Variants in PXDN observed in about 807,000 individuals in gnomAD.
PXDN encodes peroxidasin homolog.
In PXDN, 77 loss-of-function variants were observed where a neutral mutation model predicts 140.3. The ratio of observed to expected loss-of-function variants is 0.55; its 90% CI spans 0.46 to 0.66. The LOEUF (loss-of-function observed/expected upper bound fraction) is 0.66, where lower values mean the gene tolerates loss of function less well. Among genes scored for constraint, PXDN ranks in the 30% least tolerant of loss-of-function variants. The probability of loss-of-function intolerance (pLI) is 0.00; values close to 1 mark genes in which losing one functional copy is unlikely to be tolerated. For synonymous variants in PXDN, 911 were observed against 857.4 expected (o/e 1.06, Z -1.09); for missense variants, 1,838 against 2,039.5 (o/e 0.90, Z 1.90).
chr2:1,704,665 G>T (rs905678633), intron 1 of PXDN, among the ~76,000 whole-genome samples: 2 of 131,194 alleles, frequency 1.5e-5, no homozygotes, highest in Non-Finnish European at 3.2e-5. Flanking sequence ...CCAGGTGAAG[G>T]GGGGGCAACT....
chr2:1,720,693 C>T (rs959439761), intron 1 of PXDN, among the ~76,000 whole-genome samples: 29 of 134,722 alleles, frequency 2.2e-4, no homozygotes, highest in African/African-American at 7.4e-4. Context: ...CTTTCTCTCT[C>T]TCTCTGCATC....
chr2:1,654,467 A>G lies in PXDN; in HGVS notation c.1879T>C (p.Ser627Pro). 3 of 1,613,726 alleles carry G rather than the reference A, an allele frequency of 1.9e-6. No individual in the cohort carries two copies. Among genetic ancestry groups the G allele is most frequent in the Non-Finnish European group, 1.7e-6 (2 of 1,179,654 alleles). ...SRNGDPFVATSIVEAIATVDR... is the reference protein window; with the variant it reads ...SRNGDPFVATPIVEAIATVDR... ...ACAGTCGCAATCGCTTCCACGATGG[A>G]GGTAGCTACAAACGGATCTCCATTT... Residue 627 changes from serine (S) to proline (P), a missense_variant, in exon 15 of 23, where the codon TCC becomes CCC. Ser to Pro is a moderately conservative substitution (Grantham distance 74). Coordinates refer to ENST00000252804, the MANE Select transcript of PXDN (RefSeq NM_012293.3).
intron 1 of PXDN, among the ~76,000 whole-genome samples, chr2:1,694,949 T>C (rs1684267280): frequency 6.6e-6 from 1 of 152,116 alleles, no homozygotes; most frequent in South Asian, 2.1e-4. Flanking sequence ...TTTGAACAGG[T>C]AAGAAAGGCT....
At position 1,653,795 on chromosome 2, in the gene PXDN, G is replaced by A. The variant is rs1683068589; in HGVS notation, c.1947-10C>T. 6.5e-7 allele frequency: 1 copy of A among 1,549,562 alleles called. No homozygotes were observed. Among genetic ancestry groups the A allele is most frequent in the Non-Finnish European group, 8.8e-7 (1 of 1,141,828 alleles). ...TGGAGAACGAGGACGGCTAACCAGAGTTTAGGGGGAAGAAAGGAAGAATGA... is the reference window on the plus strand; with the variant it reads ...TGGAGAACGAGGACGGCTAACCAGAATTTAGGGGGAAGAAAGGAAGAATGA... On this transcript the variant is annotated splice_polypyrimidine_tract_variant and intron_variant, in intron 15 of 22. Transcript: ENST00000252804.
intron 1 of PXDN, among the ~76,000 whole-genome samples, chr2:1,694,326 A>T (rs1330595884): frequency 6.6e-6 from 1 of 152,212 alleles, no homozygotes; most frequent in South Asian, 2.1e-4. Context: ...TGCCAATGTA[A>T]TCACTGTCAG....
At chr2:1,722,748 A>C (rs1031336052) in intron 1 of PXDN, among the ~76,000 whole-genome samples, 22 of 152,204 alleles carry the variant, frequency 1.4e-4, no homozygotes, top group African/African-American at 5.3e-4. Flanking sequence ...TATTCTTAAA[A>C]TATGGGAGGG....
intron 1 of PXDN, among the ~76,000 whole-genome samples, chr2:1,743,227 C>T (rs541447966): frequency 6.6e-6 from 1 of 152,164 alleles, no homozygotes; most frequent in Non-Finnish European, 1.5e-5. Flanking sequence ...CGGGACGGCC[C>T]GCAGGACAGG....
At chr2:1,725,728 C>G (rs1409237868) in intron 1 of PXDN, among the ~76,000 whole-genome samples, 1 of 151,978 alleles carries the variant, frequency 6.6e-6, no homozygotes, top group Non-Finnish European at 1.5e-5. Context: ...AACAAATTTA[C>G]AAGAAAAAAA....
intron 14 of PXDN, among the ~76,000 whole-genome samples, chr2:1,655,264 C>A (rs1387440984): frequency 6.6e-6 from 1 of 151,498 alleles, no homozygotes; most frequent in African/African-American, 2.4e-5. Context: ...ACGCCACCTA[C>A]ACAGAACATT....
chr2:1,740,172 C>G (rs1205922737), intron 1 of PXDN, among the ~76,000 whole-genome samples: 1 of 152,216 alleles, frequency 6.6e-6, no homozygotes, highest in African/African-American at 2.4e-5. Flanking sequence ...AGGAGGAGGG[C>G]ATGGGAAGTG....
intron 14 of PXDN, 24 bp from the exon 15 acceptor site, chr2:1,654,532 T>C: frequency 1.3e-6 from 2 of 1,526,142 alleles, no homozygotes; most frequent in Non-Finnish European, 1.8e-6. Flanking sequence ...AAGTCGCGTA[T>C]TACCAGGAAA....
Position 1,648,576 on chromosome 2 carries a change from C to T in PXDN, c.3204G>A (p.Ala1068=), listed in dbSNP as rs761615523. ...NAGIFNAFAT[A]AFRFGHTLVN... ...CAAGCGTGTGGCCAAACCTGAAGGC[C>T]GCGGTGGCGAAGGCGTTGAAGATGC... Residue 1068 remains alanine, a synonymous_variant, in exon 17 of 23, where the codon GCG becomes GCA. Coordinates refer to ENST00000252804, the MANE Select transcript of PXDN (RefSeq NM_012293.3). The surrounding 1 kb of genome is among the most constrained non-coding windows in gnomAD (Gnocchi z 8.9). The T allele has an allele frequency of 3.5e-5, 57 of 1,613,650 alleles. No individual in the cohort carries two copies. The highest frequency in any genetic ancestry group is 4.6e-5 in the Non-Finnish European group (54 of 1,179,880).
intron 14 of PXDN, among the ~76,000 whole-genome samples, chr2:1,655,926 A>T (rs1252053629): frequency 6.6e-6 from 1 of 151,776 alleles, no homozygotes; most frequent in Non-Finnish European, 1.5e-5. Flanking sequence ...TTAGACACAC[A>T]TACACACCAC....
At chr2:1,679,421 GGT>G (rs138941922) in intron 7 of PXDN, among the ~76,000 whole-genome samples, 8 of 145,092 alleles carry the variant, frequency 5.5e-5, no homozygotes, top group South Asian at 2.2e-4. Flanking sequence ...GTGCGTGTGT[GGT>G]GTGTGTGTGT....
At chr2:1,658,523 T>G (rs1683222730) in intron 14 of PXDN, among the ~76,000 whole-genome samples, 1 of 150,934 alleles carries the variant, frequency 6.6e-6, no homozygotes, top group African/African-American at 2.4e-5. Context: ...TGGGCCCGGG[T>G]GCAGGCACTC....
Position 1,666,355 on chromosome 2 carries a change from G to A in PXDN, c.1150C>T (p.Pro384Ser), listed in dbSNP as rs1683441390. ...GTGATGTTCACCCGCGGGTCAACTG[G>A]CAAGGGTGTGCGGTCACCTCTCGTC... ...SWTRGDRTPLPVDPRVNITPS... is the reference protein window; with the variant it reads ...SWTRGDRTPLSVDPRVNITPS... Residue 384 changes from proline (P) to serine (S), a missense_variant, in exon 10 of 23, where the codon CCA (proline) becomes TCA (serine). Transcript: ENST00000252804. The A allele has an allele frequency of 6.2e-7, 1 of 1,613,940 alleles. No individual in the cohort carries two copies. Among genetic ancestry groups the A allele is most frequent in the South Asian group, 1.1e-5 (1 of 91,090 alleles).
intron 14 of PXDN, among the ~76,000 whole-genome samples, chr2:1,659,650 G>A (rs1204667334): frequency 6.6e-6 from 1 of 152,060 alleles, no homozygotes; most frequent in African/African-American, 2.4e-5. Context: ...CATTTTTCAA[G>A]CAAAAAACAA....
intron 16 of PXDN, chr2:1,653,336 T>C (rs1481652930): frequency 4.8e-6 from 2 of 419,136 alleles, no homozygotes; most frequent in African/African-American, 2.0e-5. Flanking sequence ...TGGGCTTGCA[T>C]AACCCACCCT....
At chr2:1,733,767 A>AAAAG (rs1685365207) in intron 1 of PXDN, among the ~76,000 whole-genome samples, 1 of 149,494 alleles carries the variant, frequency 6.7e-6, no homozygotes, top group Non-Finnish European at 1.5e-5. Context: ...AAAAAAAAAA[A>AAAAG]GCAGTGTCAG....
Sources: allele counts gnomAD v4.1 joint callset (sites outside exome capture counted in the v4.1 genomes callset), GRCh38; gene constraint gnomAD v4.1.1; non-coding constraint Gnocchi (gnomAD v3.1); transcripts MANE v1.5; gene names NCBI Gene and HGNC (gene_info 2026-07-23, HGNC 2026-07-21).